CSGALNACT1: variants seen among roughly 807,000 people sequenced by gnomAD.
The protein encoded by CSGALNACT1 is chondroitin sulfate N-acetylgalactosaminyltransferase 1, also known as beta4GalNAcT-1.
Under a neutral mutation model 51.0 loss-of-function variants are expected in CSGALNACT1, and 52 were observed. The observed-to-expected ratio is 1.02, with a 90% confidence interval of 0.82 to 1.29. The LOEUF (loss-of-function observed/expected upper bound fraction) is 1.29. CSGALNACT1 is among the 50% of genes most tolerant of loss of function. CSGALNACT1 has a pLI of 0.00. For synonymous variants in CSGALNACT1, 341 were observed against 254.4 expected, an observed-to-expected ratio of 1.34 and a Z score of -3.24; for missense variants, 935 against 679.2, an observed-to-expected ratio of 1.38 and a Z score of -4.19.
intron 3 of CSGALNACT1, among the ~76,000 whole-genome samples, chr8:19,510,850 C>T (rs2078331072): frequency 6.6e-6 from 1 of 152,158 alleles, no homozygotes; most frequent in African/African-American, 2.4e-5. Context: ...AAAACAAAGG[C>T]AGGTCAGGTT....
chr8:19,505,416 G>T (rs1335011538), exon 4 of CSGALNACT1: 1 of 1,614,212 alleles, frequency 6.2e-7, no homozygotes, highest in South Asian at 1.1e-5. Flanking sequence ...ATACTCTGTG[G>T]CCAGCTTGAC....
intron 4 of CSGALNACT1, among the ~76,000 whole-genome samples, chr8:19,468,465 G>A (rs189743068): frequency 1.1e-3 from 171 of 152,298 alleles, no homozygotes; most frequent in Admixed American, 1.5e-3. Context: ...GGGGAGCCGG[G>A]TCAGCGTTTT....
chr8:19,666,760 G>GAAAGAAAGAAAGAAAGAAAGAAAGA lies in CSGALNACT1; in HGVS notation c.-544+15712_-544+15713insTCTTTCTTTCTTTCTTTCTTTCTTT, dbSNP rs1554794191. Reference sequence around the variant, plus strand: ...AGAAACACAAGAAACAAGAAAGAAAGAAGAAAGAAAGAAAGAAAGAAAGAA... The same window carrying GAAAGAAAGAAAGAAAGAAAGAAAGA: ...AGAAACACAAGAAACAAGAAAGAAAGAAAGAAAGAAAGAAAGAAAGAAAGAAAGAAAGAAAGAAAGAAAGAAAGAA... On this transcript the variant is annotated intron_variant, in intron 1 of 9. Coordinates refer to the CSGALNACT1 transcript ENST00000332246. Among the ~76,000 whole-genome samples the GAAAGAAAGAAAGAAAGAAAGAAAGA allele has an allele frequency of 1.4e-4, 8 of 56,590 alleles. 1 individual carries two copies. Among genetic ancestry groups the GAAAGAAAGAAAGAAAGAAAGAAAGA allele is most frequent in the Non-Finnish European group, 2.2e-4 (7 of 31,220 alleles). The allele number at this position is 56,590 out of a possible 152,430, so 37.1% of individuals were successfully genotyped here. A position where few individuals can be genotyped will look rare whatever the true frequency, so the allele number is the denominator to read the frequency against.
At chr8:19,455,643 G>T (rs1033579800) in intron 5 of CSGALNACT1, among the ~76,000 whole-genome samples, 2 of 152,094 alleles carry the variant, frequency 1.3e-5, no homozygotes, top group African/African-American at 4.8e-5. Context: ...ATACCCACAG[G>T]TATTTACCCT....
intron 1 of CSGALNACT1, among the ~76,000 whole-genome samples, chr8:19,637,572 C>T (rs547467341): frequency 6.6e-6 from 1 of 152,248 alleles, no homozygotes; most frequent in East Asian, 1.9e-4. Flanking sequence ...CACATGCATA[C>T]AAGGGAAAGT....
At chr8:19,484,569 T>C (rs2072376803) in intron 4 of CSGALNACT1, among the ~76,000 whole-genome samples, 1 of 152,164 alleles carries the variant, frequency 6.6e-6, no homozygotes, top group Non-Finnish European at 1.5e-5. Context: ...GAAACGTTAC[T>C]GGCATTCTCA....
intron 1 of CSGALNACT1, among the ~76,000 whole-genome samples, chr8:19,748,836 G>A (rs1397314691): frequency 6.6e-6 from 1 of 151,994 alleles, no homozygotes; most frequent in African/African-American, 2.4e-5. Context: ...GTGGTGGCGA[G>A]TGCCTGTAAT....
chr8:19,480,642 C>T (rs903843408), intron 4 of CSGALNACT1, among the ~76,000 whole-genome samples: 1 of 152,136 alleles, frequency 6.6e-6, no homozygotes, highest in Non-Finnish European at 1.5e-5. Flanking sequence ...ACAAACCTAG[C>T]AAAGAGCATA....
chr8:19,740,288 G>T (rs927162789), intron 1 of CSGALNACT1, among the ~76,000 whole-genome samples: 1 of 152,162 alleles, frequency 6.6e-6, no homozygotes, highest in Non-Finnish European at 1.5e-5. Flanking sequence ...CCACCAAAGT[G>T]TCTCACCCGA....
At chr8:19,643,334 G>A (rs2056930156) in intron 1 of CSGALNACT1, among the ~76,000 whole-genome samples, 1 of 152,180 alleles carries the variant, frequency 6.6e-6, no homozygotes, top group South Asian at 2.1e-4. Flanking sequence ...GACTTCAATA[G>A]ATTAAAAAGT....
intron 4 of CSGALNACT1, among the ~76,000 whole-genome samples, chr8:19,460,259 C>CAGAG (rs376948743): frequency 6.6e-6 from 1 of 151,146 alleles, no homozygotes; most frequent in Admixed American, 6.6e-5. Context: ...CAGGGAGACA[C>CAGAG]AGAGAGAGAG....
intron 3 of CSGALNACT1, among the ~76,000 whole-genome samples, chr8:19,507,530 A>AAAAAAAAAC (rs2077585409): frequency 1.1e-5 from 1 of 88,566 alleles, no homozygotes; most frequent in African/African-American, 3.9e-5. Flanking sequence ...CTTAGCCAGA[A>AAAAAAAAAC]AAAAAAAAAA....
At chr8:19,563,212 G>C (rs1043753720) in intron 3 of CSGALNACT1, among the ~76,000 whole-genome samples, 1 of 152,126 alleles carries the variant, frequency 6.6e-6, no homozygotes, top group Non-Finnish European at 1.5e-5. Flanking sequence ...TCACTACTAA[G>C]TGGGAGTTGA....
intron 4 of CSGALNACT1, among the ~76,000 whole-genome samples, chr8:19,475,857 G>C (rs946721145): frequency 6.6e-6 from 1 of 152,202 alleles, no homozygotes; most frequent in Non-Finnish European, 1.5e-5. Flanking sequence ...ACGTGAGAAA[G>C]AGAGAACTGA....
intron 1 of CSGALNACT1, among the ~76,000 whole-genome samples, chr8:19,701,716 C>T (rs2061889542): frequency 1.3e-5 from 2 of 152,120 alleles, no homozygotes; most frequent in South Asian, 4.1e-4. Context: ...ATCTATGCAG[C>T]GCATCCTACA....
chr8:19,485,171 T>G (rs572481438), intron 4 of CSGALNACT1, among the ~76,000 whole-genome samples: 25 of 152,276 alleles, frequency 1.6e-4, no homozygotes, highest in Admixed American at 6.5e-4. Flanking sequence ...GTAAGTGTAT[T>G]TATTTTTAAA....
At chr8:19,527,255 CAGG>C (rs1222203278) in intron 3 of CSGALNACT1, among the ~76,000 whole-genome samples, 1 of 152,124 alleles carries the variant, frequency 6.6e-6, no homozygotes, top group Admixed American at 6.6e-5. Flanking sequence ...CAGCTTTCTG[CAGG>C]AGATGACACC....
intron 3 of CSGALNACT1, among the ~76,000 whole-genome samples, chr8:19,566,904 T>G (rs966349939): frequency 6.6e-5 from 10 of 152,180 alleles, no homozygotes; most frequent in African/African-American, 2.2e-4. Context: ...GCAAAGGTTC[T>G]CAAGGGTGAG....
chr8:19,713,962 A>G (rs991580402), intron 1 of CSGALNACT1, among the ~76,000 whole-genome samples: 1 of 152,216 alleles, frequency 6.6e-6, no homozygotes, highest in African/African-American at 2.4e-5. Context: ...ATCCTGCTGA[A>G]GACCTGTGTC....
Sources: allele counts gnomAD v4.1 joint callset (sites outside exome capture counted in the v4.1 genomes callset), GRCh38; gene constraint gnomAD v4.1.1; transcripts MANE v1.5; gene names NCBI Gene and HGNC (gene_info 2026-07-23, HGNC 2026-07-21).